The following TPCN1 variants were observed in gnomAD, a reference collection of about 807,000 sequenced individuals.
TPCN1 encodes two pore channel protein 1.
TPCN1 carries 52 observed loss-of-function variants against 108.8 expected under a neutral mutation model. The ratio of observed to expected loss-of-function variants is 0.48; its 90% CI spans 0.38 to 0.60. The LOEUF (loss-of-function observed/expected upper bound fraction) is 0.60. TPCN1 is among the 20% of genes least tolerant of loss of function. The pLI is 0.00. For synonymous variants in TPCN1, 446 were observed against 433.7 expected (o/e 1.03, Z -0.35); for missense variants, 806 against 1,072.8 (o/e 0.75, Z 3.47).
chr12:113,248,832 A>C (rs1005590503), intron 2 of TPCN1, among the ~76,000 whole-genome samples: 1 of 152,236 alleles, frequency 6.6e-6, no homozygotes, highest in African/African-American at 2.4e-5. Context: ...ACACACACGC[A>C]CACACACGAT....
Position 113,226,918 on chromosome 12 carries a change from A to C in TPCN1, c.66A>C (p.Pro22=). Residue 22 remains proline (P), a synonymous_variant, in exon 2 of 28, where the codon CCA becomes CCC. Coordinates refer to ENST00000335509, the MANE Select transcript of TPCN1 (RefSeq NM_017901.6). ...CCTTGGATGAGGGTGGCAGTGCCCC[A>C]CTGGCTCCCTCCAACGGCCTGGGCC... ...ILTLDEGGSA[P]LAPSNGLGQE... 6.2e-7 allele frequency: 1 copy of C among 1,614,130 alleles called. No homozygotes were observed. The highest frequency in any genetic ancestry group is 2.2e-5 in the East Asian group (1 of 44,876).
At chr12:113,229,244 C>T (rs185696842) in intron 2 of TPCN1, among the ~76,000 whole-genome samples, 1 of 152,326 alleles carries the variant, frequency 6.6e-6, no homozygotes, top group Non-Finnish European at 1.5e-5. Flanking sequence ...TTTTCCTGTA[C>T]AGCACATTAG....
At chr12:113,264,685 A>G (rs1955182522) in intron 3 of TPCN1, among the ~76,000 whole-genome samples, 1 of 152,152 alleles carries the variant, frequency 6.6e-6, no homozygotes, top group African/African-American at 2.4e-5. Context: ...TCTCAAAAAA[A>G]AAGAAAAAAA....
chr12:113,269,732 CCT>C lies in TPCN1; in HGVS notation c.660-24_660-23del. On this transcript the variant is annotated intron_variant, in intron 6 of 27. Transcript: ENST00000335509. This position sits in a 1 kb window ranked among gnomAD's most constrained non-coding sequence, Gnocchi z 5.0. The stretch of plus-strand genomic sequence containing the variant: ...GCAGCCCGCCCCAGCTGGTGCCTCC[CCT>C]GAGCTGGCCCATCTCTCCCCAGCAA... The C allele has an allele frequency of 6.2e-7, 1 of 1,610,740 alleles. No homozygotes were observed. Among genetic ancestry groups the C allele is most frequent in the Non-Finnish European group, 8.5e-7 (1 of 1,178,924 alleles).
In TPCN1 at chr12:113,284,771, A is replaced by G; in HGVS notation, c.1453A>G (p.Ile485Val). ...VPWSYLVFLTIYGVELFLKVA... is the reference protein window; with the variant it reads ...VPWSYLVFLTVYGVELFLKVA... ...CTGGAGTTACCTCGTCTTTCTAACT[A>G]GTACGTTTCCGACATGGCTTTGCTG... The change falls in exon 17 of 28, where the codon ATC becomes GTC. Residue 485 changes from isoleucine (I) to valine (V), a missense_variant and splice_region_variant. Coordinates refer to ENST00000335509, the MANE Select transcript of TPCN1 (RefSeq NM_017901.6). The surrounding 1 kb of genome is among the most constrained non-coding windows in gnomAD (Gnocchi z 4.1). 6.2e-7 allele frequency: 1 copy of G among 1,614,202 alleles called. No homozygotes were observed. The highest frequency in any genetic ancestry group is 1.3e-5 in the African/African-American group (1 of 75,046).
intron 10 of TPCN1, among the ~76,000 whole-genome samples, chr12:113,274,181 G>A (rs1229826025): frequency 1.3e-5 from 2 of 152,196 alleles, no homozygotes; most frequent in Non-Finnish European, 2.9e-5. Context: ...GGCTGGACAT[G>A]GTGGCTCACG....
chr12:113,284,797 G>T lies in TPCN1; in HGVS notation c.1453+26G>T. 1.2e-6 allele frequency: 2 copies of T among 1,613,500 alleles called. No homozygotes were observed. The highest frequency in any genetic ancestry group is 1.1e-5 in the South Asian group (1 of 91,056). On this transcript the variant is annotated intron_variant, in intron 17 of 27. Coordinates refer to ENST00000335509, the MANE Select transcript of TPCN1 (RefSeq NM_017901.6). The surrounding 1 kb of genome is among the most constrained non-coding windows in gnomAD (Gnocchi z 4.1). Reference sequence around the variant, plus strand: ...GTACGTTTCCGACATGGCTTTGCTGGACTGCTTGTTTTAAAATTGTCTGGG... The same window carrying T: ...GTACGTTTCCGACATGGCTTTGCTGTACTGCTTGTTTTAAAATTGTCTGGG...
At chr12:113,226,233 A>G (rs1479649321) in intron 1 of TPCN1, among the ~76,000 whole-genome samples, 1 of 151,836 alleles carries the variant, frequency 6.6e-6, no homozygotes, top group Non-Finnish European at 1.5e-5. Flanking sequence ...TTTTTTAAAA[A>G]TTGAGTTTTA....
intron 19 of TPCN1, 37 bp downstream of exon 19, chr12:113,287,131 A>G (rs1369422384): frequency 1.9e-6 from 3 of 1,551,324 alleles, no homozygotes; most frequent in Non-Finnish European, 1.8e-6. Flanking sequence ...AGGGAGAAAG[A>G]GAGGGAGGAC....
At position 113,272,521 on chromosome 12, in the gene TPCN1, G is replaced by A; in HGVS notation, c.749-137G>A. 2.5e-6 allele frequency: 2 copies of A among 800,540 alleles called. No homozygotes were observed. Among genetic ancestry groups the A allele is most frequent in the South Asian group, 2.9e-5 (2 of 68,578 alleles). 49.6% of individuals were successfully genotyped at this position (800,540 alleles called of 1,614,324 possible). A position where few individuals can be genotyped will look rare whatever the true frequency, so the allele number is the denominator to read the frequency against. On this transcript the variant is annotated intron_variant, in intron 7 of 27. Coordinates refer to ENST00000335509, the MANE Select transcript of TPCN1 (RefSeq NM_017901.6). The surrounding 1 kb of genome is among the most constrained non-coding windows in gnomAD (Gnocchi z 4.1). ...CCAACAGAGCATGTGTTCTCAGGGT[G>A]CTGTGGTCCCCAGCAGTCCCTGCTG...
At chr12:113,287,327 C>A in intron 19 of TPCN1, 1 of 545,858 alleles carries the variant, frequency 1.8e-6, no homozygotes. Flanking sequence ...AAACCCAGCC[C>A]ATGACTCATG....
At chr12:113,262,639 G>A (rs757699138) in intron 3 of TPCN1, among the ~76,000 whole-genome samples, 7 of 152,182 alleles carry the variant, frequency 4.6e-5, no homozygotes, top group Non-Finnish European at 1.0e-4. Flanking sequence ...CCGGATAAGA[G>A]CGTGGGATAG....
intron 1 of TPCN1, among the ~76,000 whole-genome samples, chr12:113,224,851 A>G (rs1953413101): frequency 6.6e-6 from 1 of 151,806 alleles, no homozygotes; most frequent in Non-Finnish European, 1.5e-5. Context: ...CCTGGGTTCA[A>G]GTGATTCTCC....
At chr12:113,249,579 G>A (rs1954549111) in intron 2 of TPCN1, 1 of 152,380 alleles carries the variant, frequency 6.6e-6, no homozygotes, top group African/African-American at 2.4e-5. Context: ...TTGCTTCTAA[G>A]ACAACAGCAG....
chr12:113,281,534 A>G (rs1003505237), intron 15 of TPCN1, among the ~76,000 whole-genome samples: 1 of 152,204 alleles, frequency 6.6e-6, no homozygotes, highest in Non-Finnish European at 1.5e-5. Flanking sequence ...ATGTACATTC[A>G]GATTACTGTG....
chr12:113,224,294 C>A lies in TPCN1; in HGVS notation c.-125-2434C>A, dbSNP rs73439838. Among the ~76,000 whole-genome samples the A allele has an allele frequency of 5.5e-3, 831 of 152,280 alleles. 4 individuals are homozygous for A. The highest frequency in any genetic ancestry group is 0.018 in the African/African-American group (745 of 41,546). The stretch of plus-strand genomic sequence containing the variant: ...CATCCTGTAATGGGGGGATAATAAG[C>A]CTGCCTATCTCATGGGGCTATTAAG... On this transcript the variant is annotated intron_variant, in intron 1 of 27. Coordinates refer to ENST00000335509, the MANE Select transcript of TPCN1 (RefSeq NM_017901.6).
chr12:113,248,535 G>C (rs1025330979), intron 2 of TPCN1, among the ~76,000 whole-genome samples: 1 of 152,246 alleles, frequency 6.6e-6, no homozygotes, highest in African/African-American at 2.4e-5. Flanking sequence ...GGTAGCCTCT[G>C]ATAAAATGTT....
At chr12:113,241,761 C>CATGT (rs1954134294) in intron 2 of TPCN1, among the ~76,000 whole-genome samples, 1 of 144,376 alleles carries the variant, frequency 6.9e-6, no homozygotes, top group African/African-American at 2.6e-5. Context: ...CGTGCCTCTG[C>CATGT]GTGTGTGTGT....
rs992405618 is a variant in TPCN1 at position 113,240,601 on chromosome 12, C to T, written c.112+13637C>T. 3.9e-5 allele frequency among the ~76,000 whole-genome samples: 6 copies of T among 152,150 alleles called. No homozygotes were observed. The East Asian group carries it at 7.7e-4, about 20-fold the overall frequency. ...CCTTTCCTCCGTTCTCACATTCTTC[C>T]GGTTCCTCTTAAGGGATGTGAGTTG... On this transcript the variant is annotated intron_variant, in intron 2 of 27. Coordinates refer to ENST00000335509, the MANE Select transcript of TPCN1 (RefSeq NM_017901.6).
Sources: gnomAD v4.1 joint callset for allele counts (sites outside exome capture counted in the v4.1 genomes callset) on GRCh38, gnomAD v4.1.1 for gene constraint, Gnocchi (gnomAD v3.1) non-coding constraint, MANE v1.5 for transcripts, NCBI Gene and HGNC (gene_info 2026-07-23, HGNC 2026-07-21) for gene names.